SUMF1: variants seen among roughly 807,000 people sequenced by gnomAD.
SUMF1 encodes formylglycine-generating enzyme.
A neutral mutation model predicts 47.6 loss-of-function variants in SUMF1; 48 were observed. The ratio of observed to expected loss-of-function variants is 1.01; its 90% confidence interval spans 0.80 to 1.28. The LOEUF is 1.28. Ranked by LOEUF, SUMF1 falls within the 50% of genes most tolerant of loss-of-function variation. SUMF1 has a pLI of 0.00. For missense variants in SUMF1, 571 were observed against 485.4 expected, an observed-to-expected ratio of 1.18 and a Z score of -1.66; for synonymous variants, 230 against 192.1, an observed-to-expected ratio of 1.20 and a Z score of -1.63.
intron 8 of SUMF1, among the ~76,000 whole-genome samples, chr3:4,083,126 T>G (rs766072447): frequency 1.3e-5 from 2 of 152,098 alleles, no homozygotes; most frequent in Non-Finnish European, 2.9e-5. Context: ...CTGAAAAGGA[T>G]GAAATCCTGG....
At chr3:4,330,484 G>A (rs1699028246) in intron 8 of SUMF1, among the ~76,000 whole-genome samples, 2 of 152,206 alleles carry the variant, frequency 1.3e-5, no homozygotes, top group Non-Finnish European at 2.9e-5. Context: ...TTGTGCAGGG[G>A]AACTCCCATT....
intron 9 of SUMF1, among the ~76,000 whole-genome samples, chr3:4,047,863 T>C (rs1695032510): frequency 6.6e-6 from 1 of 152,160 alleles, no homozygotes; most frequent in African/African-American, 2.4e-5. Context: ...GCCAATTATA[T>C]GGAGCATCTC....
intron 8 of SUMF1, among the ~76,000 whole-genome samples, chr3:4,077,456 C>T (rs1287919234): frequency 1.3e-5 from 2 of 152,094 alleles, no homozygotes; most frequent in Non-Finnish European, 2.9e-5. Flanking sequence ...CACATACACA[C>T]CATGGAATAC....
At chr3:4,386,137 C>T (rs544565358) in intron 7 of SUMF1, among the ~76,000 whole-genome samples, 2 of 152,190 alleles carry the variant, frequency 1.3e-5, no homozygotes, top group African/African-American at 4.8e-5. Context: ...ATATATATTT[C>T]AGAATAATCA....
At chr3:4,238,438 G>A (rs1233035080) in intron 8 of SUMF1, among the ~76,000 whole-genome samples, 1 of 152,100 alleles carries the variant, frequency 6.6e-6, no homozygotes, top group African/African-American at 2.4e-5. Context: ...TCCAGCATCT[G>A]TTGTTTCCTG....
intron 7 of SUMF1, among the ~76,000 whole-genome samples, chr3:4,390,924 T>A (rs1271505340): frequency 6.6e-6 from 1 of 152,174 alleles, no homozygotes; most frequent in Non-Finnish European, 1.5e-5. Flanking sequence ...TTAGTTGTAT[T>A]TAGTAAGAGG....
chr3:4,064,699 C>G (rs1482246763), intron 9 of SUMF1, among the ~76,000 whole-genome samples: 2 of 152,088 alleles, frequency 1.3e-5, no homozygotes, highest in Non-Finnish European at 2.9e-5. Context: ...TGGCATGAAC[C>G]CGGGAGGCAG....
intron 8 of SUMF1, among the ~76,000 whole-genome samples, chr3:4,332,359 G>A (rs900550583): frequency 1.3e-5 from 2 of 152,068 alleles, no homozygotes; most frequent in East Asian, 3.9e-4. Context: ...ATTTCTAAAG[G>A]GACAGCTCTT....
chr3:4,371,742 T>C (rs1391798724), intron 8 of SUMF1, among the ~76,000 whole-genome samples: 1 of 152,178 alleles, frequency 6.6e-6, no homozygotes, highest in Non-Finnish European at 1.5e-5. Context: ...CACTTAATCC[T>C]CTCAGCAATC....
At chr3:4,219,179 G>T (rs1184077498) in intron 8 of SUMF1, among the ~76,000 whole-genome samples, 1 of 152,182 alleles carries the variant, frequency 6.6e-6, no homozygotes, top group African/African-American at 2.4e-5. Flanking sequence ...AAGATGAAAA[G>T]AAGAGAGGGT....
At chr3:4,246,527 GA>G (rs1252088047) in intron 8 of SUMF1, among the ~76,000 whole-genome samples, 41 of 152,070 alleles carry the variant, frequency 2.7e-4, no homozygotes, top group African/African-American at 9.4e-4. Context: ...TCAGCCTCCT[GA>G]GCAGCTGGGA....
intron 8 of SUMF1, among the ~76,000 whole-genome samples, chr3:4,126,031 C>A (rs1053541054): frequency 6.6e-6 from 1 of 151,882 alleles, no homozygotes; most frequent in Admixed American, 6.6e-5. Flanking sequence ...TAAGCATGCA[C>A]AAACTATCCC....
intron 8 of SUMF1, among the ~76,000 whole-genome samples, chr3:4,071,616 G>T (rs951595439): frequency 2.0e-5 from 3 of 152,192 alleles, no homozygotes; most frequent in East Asian, 1.9e-4. Context: ...GAGCTTAGTG[G>T]GGGGAGGGGC....
chr3:4,131,572 G>A (rs973515929), intron 8 of SUMF1, among the ~76,000 whole-genome samples: 2 of 152,172 alleles, frequency 1.3e-5, no homozygotes, highest in Admixed American at 6.5e-5. Context: ...GCATGGAAGT[G>A]CATATGGAAT....
chr3:4,312,888 T>C (rs773483561), intron 8 of SUMF1: 14 of 1,598,890 alleles, frequency 8.8e-6, no homozygotes, highest in Non-Finnish European at 2.6e-6. Context: ...AGTGTGTATA[T>C]TTTTTACAGT....
chr3:4,311,157 T>C (rs1420897133), intron 8 of SUMF1, among the ~76,000 whole-genome samples: 1 of 152,186 alleles, frequency 6.6e-6, no homozygotes, highest in Non-Finnish European at 1.5e-5. Context: ...CTCCCACTGG[T>C]TGTCCTCCTC....
At chr3:4,241,798 T>C (rs1363794387) in intron 8 of SUMF1, among the ~76,000 whole-genome samples, 2 of 152,106 alleles carry the variant, frequency 1.3e-5, no homozygotes, top group Non-Finnish European at 2.9e-5. Flanking sequence ...AGCAACCAAA[T>C]GGGACTTCCG....
intron 9 of SUMF1, among the ~76,000 whole-genome samples, chr3:4,056,492 A>G (rs894603251): frequency 1.7e-4 from 26 of 152,188 alleles, no homozygotes; most frequent in African/African-American, 6.0e-4. Context: ...TGGGCCGCAT[A>G]GTGAGACTTC....
chr3:4,110,221 G>A (rs941874915), intron 8 of SUMF1, among the ~76,000 whole-genome samples: 39 of 152,076 alleles, frequency 2.6e-4, no homozygotes, highest in Middle Eastern at 3.2e-3. Context: ...TATCAGCAGC[G>A]GAGGCTGCAG....
Sources: gnomAD v4.1 joint callset for allele counts (sites outside exome capture counted in the v4.1 genomes callset) on GRCh38, gnomAD v4.1.1 for gene constraint, MANE v1.5 for transcripts, NCBI Gene and HGNC (gene_info 2026-07-23, HGNC 2026-07-21) for gene names.